The following MASP1 variants were observed in gnomAD, a reference collection of about 807,000 sequenced individuals.
MASP1 encodes the protein mannan-binding lectin serine protease 1.
MASP1 carries 59 observed loss-of-function variants against 77.1 expected under a neutral mutation model. The ratio of observed to expected loss-of-function variants is 0.77; its 90% confidence interval spans 0.62 to 0.95. The LOEUF is 0.95. Among genes scored for constraint, MASP1 ranks in the 40% least tolerant of loss-of-function variants. MASP1 has a pLI of 0.00. For synonymous variants in MASP1, 362 were observed against 354.5 expected, an observed-to-expected ratio of 1.02 and a Z score of -0.24; for missense variants, 885 against 912.9, an observed-to-expected ratio of 0.97 and a Z score of 0.39.
At chr3:187,286,799 C>G (rs1398980268) in intron 1 of MASP1, among the ~76,000 whole-genome samples, 1 of 152,220 alleles carries the variant, frequency 6.6e-6, no homozygotes, top group African/African-American at 2.4e-5. Context: ...CAGACCGATT[C>G]CCCTGTGAGG....
intron 2 of MASP1, among the ~76,000 whole-genome samples, chr3:187,280,583 C>T (rs760759918): frequency 3.3e-5 from 5 of 152,112 alleles, no homozygotes; most frequent in African/African-American, 4.8e-5. Flanking sequence ...ACTTTAATTT[C>T]TTGCATTTTT....
At chr3:187,260,952 T>C in intron 3 of MASP1, 80 bp from the exon 4 acceptor site, 1 of 1,495,936 alleles carries the variant, frequency 6.7e-7, no homozygotes, top group East Asian at 2.3e-5. Flanking sequence ...GCACTTGATA[T>C]GGGCCACTCA....
intron 2 of MASP1, among the ~76,000 whole-genome samples, chr3:187,280,628 A>G (rs770850826): frequency 1.3e-5 from 2 of 152,236 alleles, no homozygotes; most frequent in African/African-American, 2.4e-5. Flanking sequence ...CTAAAAGATA[A>G]TGCTTTGCAA....
Position 187,286,044 on chromosome 3 carries a change from G to A in MASP1, c.18C>T (p.Leu6=). ...ACAGGGAGAAGCACAGAGCATAATA[G>A]AGAAGCAGCCACCTGAAAGACATGA... is the stretch of plus-strand genomic sequence containing the variant. The part of the protein sequence containing the change: MRWLL[L]YYALCFSLSK... Residue 6 remains leucine (L), a synonymous_variant, in exon 2 of 11, where the codon CTC becomes CTT. Coordinates refer to ENST00000296280, the MANE Select transcript of MASP1 (RefSeq NM_139125.4). The A allele has an allele frequency of 6.2e-7, 1 of 1,614,024 alleles. No homozygotes were observed. Among genetic ancestry groups the A allele is most frequent in the Non-Finnish European group, 8.5e-7 (1 of 1,179,892 alleles).
intron 8 of MASP1, chr3:187,247,071 G>T: frequency 1.4e-6 from 2 of 1,387,372 alleles, no homozygotes; most frequent in Non-Finnish European, 1.9e-6. Flanking sequence ...TCCACTCAGA[G>T]GTGCTAAAAT....
At chr3:187,245,236 T>G (rs1713979416) in intron 8 of MASP1, among the ~76,000 whole-genome samples, 1 of 152,250 alleles carries the variant, frequency 6.6e-6, no homozygotes, top group South Asian at 2.1e-4. Context: ...TAAATTTATT[T>G]TCTGTTAAAG....
At chr3:187,237,172 A>G (rs1245390061) in intron 10 of MASP1, among the ~76,000 whole-genome samples, 1 of 152,232 alleles carries the variant, frequency 6.6e-6, no homozygotes, top group Non-Finnish European at 1.5e-5. Context: ...CTGCCAAATG[A>G]GGCATTTGGT....
chr3:187,282,379 C>T (rs1477786298), intron 2 of MASP1, among the ~76,000 whole-genome samples: 1 of 151,896 alleles, frequency 6.6e-6, no homozygotes, highest in Non-Finnish European at 1.5e-5. Flanking sequence ...TGCCTGTCGT[C>T]CCAGCTGCTC....
At chr3:187,262,045 A>G (rs989125662) in intron 3 of MASP1, among the ~76,000 whole-genome samples, 1 of 152,230 alleles carries the variant, frequency 6.6e-6, no homozygotes, top group South Asian at 2.1e-4. Flanking sequence ...GCAGAAAAAA[A>G]ATCAAAACAG....
intron 2 of MASP1, among the ~76,000 whole-genome samples, chr3:187,281,157 A>G (rs1717378463): frequency 6.6e-6 from 1 of 152,236 alleles, no homozygotes; most frequent in Non-Finnish European, 1.5e-5. Context: ...GCCACATGCC[A>G]AGGAAGCAGA....
At chr3:187,233,791 C>T (rs1560235279), downstream of MASP1, among the ~76,000 whole-genome samples, 2 of 152,194 alleles carry the variant, frequency 1.3e-5, no homozygotes, top group African/African-American at 2.4e-5. Context: ...ATGCCCTAGC[C>T]AGTCACCAGG....
chr3:187,220,496 CTTTTT>C (rs376566294), intron 15 of MASP1, among the ~76,000 whole-genome samples: 1 of 127,766 alleles, frequency 7.8e-6, no homozygotes, highest in Non-Finnish European at 1.6e-5. Flanking sequence ...TTTTTTCTTT[CTTTTT>C]TTTTTTTTTT....
chr3:187,246,335 G>A (rs1714076858), intron 8 of MASP1: 2 of 967,076 alleles, frequency 2.1e-6, no homozygotes, highest in African/African-American at 3.5e-5. Context: ...GTATGTCACT[G>A]AGTATGAATG....
At position 187,284,564 on chromosome 3, in the gene MASP1, C is replaced by A. The variant is rs1717693616; in HGVS notation, c.237+1261G>T. Among the ~76,000 whole-genome samples the A allele has an allele frequency of 5.3e-5, 8 of 152,322 alleles. No individual in the cohort carries two copies. In the South Asian group the frequency reaches 1.7e-3, roughly 32 times the overall value. On this transcript the variant is annotated intron_variant, in intron 2 of 10. Coordinates refer to ENST00000296280, the MANE Select transcript of MASP1 (RefSeq NM_139125.4). ...AATGGGACATTGCAGGCAGACCCAACATATACAATGACAATACTCTACATA... is the reference window on the plus strand; with the variant it reads ...AATGGGACATTGCAGGCAGACCCAAAATATACAATGACAATACTCTACATA...
At chr3:187,286,361 A>G (rs1453630786) in intron 1 of MASP1, among the ~76,000 whole-genome samples, 1 of 152,248 alleles carries the variant, frequency 6.6e-6, no homozygotes, top group Non-Finnish European at 1.5e-5. Context: ...TAATTTTCAT[A>G]ATTAAGTAAA....
chr3:187,262,115 C>T (rs912048119), intron 3 of MASP1, among the ~76,000 whole-genome samples: 1 of 152,158 alleles, frequency 6.6e-6, no homozygotes, highest in Admixed American at 6.6e-5. Flanking sequence ...AAGGAACCCC[C>T]TGGGCTGGTG....
rs371501676 is a variant in MASP1 at position 187,223,228 on chromosome 3, G to A, written c.1742-34C>T. On this transcript the variant is annotated intron_variant, in intron 13 of 15. Coordinates refer to the MASP1 transcript ENST00000337774. The stretch of plus-strand genomic sequence containing the variant: ...GAGAAGATACTGTGAGAACAGAGAA[G>A]CTATCTGTGGGGTGTTTGGAGGGGT... 4.7e-5 allele frequency: 73 copies of A among 1,562,144 alleles called. No individual in the cohort carries two copies. The African/African-American group carries it at 9.2e-4, about 20-fold the overall frequency.
At chr3:187,280,054 C>A (rs1265975565) in intron 2 of MASP1, among the ~76,000 whole-genome samples, 2 of 152,126 alleles carry the variant, frequency 1.3e-5, no homozygotes, top group African/African-American at 4.8e-5. Context: ...ATTCCATAGA[C>A]AATGGGGAGG....
chr3:187,291,070 G>A (rs759986084), intron 1 of MASP1, among the ~76,000 whole-genome samples: 2 of 151,726 alleles, frequency 1.3e-5, no homozygotes, highest in Non-Finnish European at 2.9e-5. Context: ...TGATTTCAAT[G>A]AGAAATGCAG....
Sources: allele counts gnomAD v4.1 joint callset (sites outside exome capture counted in the v4.1 genomes callset), GRCh38; gene constraint gnomAD v4.1.1; transcripts MANE v1.5; gene names NCBI Gene and HGNC (gene_info 2026-07-23, HGNC 2026-07-21).